Variants in CCDC57 observed in about 807,000 individuals in gnomAD.
CCDC57 encodes coiled-coil domain-containing protein 57.
In CCDC57, 118 loss-of-function variants were observed where a neutral mutation model predicts 118.9. That is an observed-to-expected ratio of 0.99 (90% CI 0.86 to 1.16). CCDC57 has a LOEUF of 1.16. CCDC57 is among the 50% of genes most tolerant of loss of function. The pLI is 0.00. For missense variants in CCDC57, 1,300 were observed against 1,320.7 expected (o/e 0.98, Z 0.24); for synonymous variants, 527 against 532.9 (o/e 0.99, Z 0.15).
intron 8 of CCDC57, 91 bp from the exon 8 acceptor site, chr17:82,184,023 GCGCGCGCGCACACACACACACACACA>G (rs2046569171): frequency 1.0e-5 from 4 of 384,012 alleles, no homozygotes; most frequent in Admixed American, 1.0e-4. Context: ...ACATGCGCGC[GCGCGCGCGCACACACACACACACACA>G]CACACACACA....
chr17:82,175,681 G>A (rs1205334742), intron 11 of CCDC57: 7 of 152,148 alleles, frequency 4.6e-5, no homozygotes, highest in Admixed American at 6.5e-5. Flanking sequence ...GTGTAAAACC[G>A]AGGTGTGCTC....
chr17:82,196,036 G>A (rs1045781823), intron 4 of CCDC57, among the ~76,000 whole-genome samples: 12 of 152,194 alleles, frequency 7.9e-5, no homozygotes, highest in African/African-American at 2.9e-4. Flanking sequence ...TGAGAAATTC[G>A]GCGTGGACAG....
intron 9 of CCDC57, among the ~76,000 whole-genome samples, chr17:82,180,504 C>T (rs958812438): frequency 2.0e-5 from 3 of 152,204 alleles, no homozygotes; most frequent in African/African-American, 7.2e-5. Flanking sequence ...GATACAGAGT[C>T]TTGCTCTGTC....
At chr17:82,160,775 G>A (rs1389653493) in intron 14 of CCDC57, among the ~76,000 whole-genome samples, 1 of 151,172 alleles carries the variant, frequency 6.6e-6, no homozygotes, top group Non-Finnish European at 1.5e-5. Context: ...TTGGGAGGCT[G>A]AGGCAGGAGA....
chr17:82,150,097 T>A (rs1427757123), intron 16 of CCDC57, among the ~76,000 whole-genome samples: 8 of 62,216 alleles, frequency 1.3e-4, no homozygotes, highest in Admixed American at 2.3e-4. Context: ...ACCCAGAACC[T>A]GACCCACACC....
chr17:82,183,617 C>T (rs11657047), intron 9 of CCDC57, among the ~76,000 whole-genome samples, 157 bp downstream of exon 8: 28,996 of 152,060 alleles, frequency 0.19, 2,954 homozygotes, highest in Non-Finnish European at 0.23. Flanking sequence ...ACCACCCCTG[C>T]GTGACCAGAC....
intron 14 of CCDC57, among the ~76,000 whole-genome samples, chr17:82,159,822 C>T (rs961863039): frequency 1.3e-5 from 2 of 152,058 alleles, no homozygotes; most frequent in African/African-American, 2.4e-5. Flanking sequence ...CAGGCACGCA[C>T]CACCACACCC....
chr17:82,179,656 G>A (rs925425131), intron 9 of CCDC57, among the ~76,000 whole-genome samples: 2 of 152,070 alleles, frequency 1.3e-5, no homozygotes, highest in African/African-American at 2.4e-5. Flanking sequence ...CCCCCCGAGC[G>A]AGTGCAAAGG....
At chr17:82,143,025 G>A (rs557416781) in intron 16 of CCDC57, among the ~76,000 whole-genome samples, 3 of 152,196 alleles carry the variant, frequency 2.0e-5, no homozygotes, top group Non-Finnish European at 4.4e-5. Flanking sequence ...CTAGCCGGGC[G>A]TGGTGGCACA....
chr17:82,180,373 A>G (rs1032617718), intron 9 of CCDC57, among the ~76,000 whole-genome samples: 7 of 152,248 alleles, frequency 4.6e-5, no homozygotes, highest in Admixed American at 4.6e-4. Context: ...AGCCCTGCCC[A>G]GGCCCTGGCC....
At chr17:82,133,357 G>A (rs550479100) in intron 17 of CCDC57, among the ~76,000 whole-genome samples, 3 of 145,032 alleles carry the variant, frequency 2.1e-5, no homozygotes, top group African/African-American at 5.1e-5. Context: ...CTGGGTGACA[G>A]AGCCAGGCCC....
At chr17:82,200,644 T>C (rs1244476374) in intron 3 of CCDC57, among the ~76,000 whole-genome samples, 1 of 150,938 alleles carries the variant, frequency 6.6e-6, no homozygotes, top group Non-Finnish European at 1.5e-5. Context: ...GAAAAAAAAA[T>C]TAGCCGGGCG....
chr17:82,114,287 C>A (rs2144969503), intron 19 of CCDC57, among the ~76,000 whole-genome samples: 2 of 152,154 alleles, frequency 1.3e-5, no homozygotes, highest in East Asian at 1.9e-4. Flanking sequence ...ATAAGAAGCA[C>A]AAAAGTGCCT....
At chr17:82,151,572 C>T (rs2042077332) in exon 16 of CCDC57, 4 of 1,550,336 alleles carry the variant, frequency 2.6e-6, no homozygotes, top group Non-Finnish European at 3.5e-6. Flanking sequence ...TCGGGTCGGC[C>T]CAGCTCTGCA....
At chr17:82,175,641 G>A (rs2045373168) in intron 11 of CCDC57, 1 of 152,206 alleles carries the variant, frequency 6.6e-6, no homozygotes, top group Non-Finnish European at 1.5e-5. Context: ...TCTTACATAT[G>A]TTGATTGATG....
At chr17:82,202,295 C>T (rs542642443) in intron 2 of CCDC57, among the ~76,000 whole-genome samples, 3 of 152,226 alleles carry the variant, frequency 2.0e-5, no homozygotes, top group African/African-American at 7.2e-5. Flanking sequence ...GGTGAAACCC[C>T]GTCTCTACTA....
intron 14 of CCDC57, among the ~76,000 whole-genome samples, chr17:82,162,402 C>T (rs1456460783): frequency 6.6e-6 from 1 of 152,212 alleles, no homozygotes; most frequent in Non-Finnish European, 1.5e-5. Context: ...AGGGTGGGCT[C>T]GCTGCTGGAT....
intron 19 of CCDC57, among the ~76,000 whole-genome samples, chr17:82,114,708 C>T (rs2144979041): frequency 6.6e-6 from 1 of 152,314 alleles, no homozygotes. Flanking sequence ...ACAGCCACTC[C>T]ACCCCCAGGC....
chr17:82,111,311 C>T (rs904597476), intron 19 of CCDC57, among the ~76,000 whole-genome samples: 3 of 60,916 alleles, frequency 4.9e-5, no homozygotes, highest in Non-Finnish European at 6.7e-5. Context: ...CTGTGTTAGC[C>T]AGGATGGTCT....
Sources: gnomAD v4.1 joint callset for allele counts (sites outside exome capture counted in the v4.1 genomes callset) on GRCh38, gnomAD v4.1.1 for gene constraint, MANE v1.5 for transcripts, NCBI Gene and HGNC (gene_info 2026-07-23, HGNC 2026-07-21) for gene names.